Variants in SPADH observed in about 807,000 individuals in gnomAD.
SPADH encodes the protein CUB domain-containing protein.
At chr10:122,674,255 A>C in the SPADH span, among the ~76,000 whole-genome samples, 1 of 152,174 alleles carries the variant, frequency 6.6e-6, no homozygotes, top group Non-Finnish European at 1.5e-5. Context: ...AGTGAAGCAA[A>C]AGTTTCCATT....
chr10:122,676,541 T>C, the SPADH span, among the ~76,000 whole-genome samples: 1 of 152,230 alleles, frequency 6.6e-6, no homozygotes. Context: ...AAACAAATTG[T>C]ACTTTAAAAT....
At chr10:122,676,591 C>T in the SPADH span, among the ~76,000 whole-genome samples, 1 of 152,092 alleles carries the variant, frequency 6.6e-6, no homozygotes, top group Admixed American at 6.5e-5. Context: ...CCAAAAAGCC[C>T]ACCTTGTTTG....
chr10:122,679,487 TA>T, the SPADH span, among the ~76,000 whole-genome samples: 2 of 148,704 alleles, frequency 1.3e-5, no homozygotes, highest in African/African-American at 2.5e-5. Flanking sequence ...AAAATATATA[TA>T]AACAAGAAAT....
chr10:122,672,914 G>A, the SPADH span: 44 of 985,474 alleles, frequency 4.5e-5, no homozygotes, highest in African/African-American at 7.0e-4. Context: ...CTTGGCCGCT[G>A]CTGTGCAGTA....
the SPADH span, among the ~76,000 whole-genome samples, chr10:122,676,433 T>C: frequency 1.3e-5 from 2 of 152,200 alleles, no homozygotes; most frequent in African/African-American, 2.4e-5. Context: ...AATGGAAAGA[T>C]AGTGTTTGTG....
chr10:122,676,979 C>CCTAT, the SPADH span: 41 of 888,800 alleles, frequency 4.6e-5, no homozygotes, highest in Non-Finnish European at 4.7e-5. Context: ...CACCTTCCAC[C>CCTAT]CTATCCATGA....
At chr10:122,674,687 ACAT>A in the SPADH span, among the ~76,000 whole-genome samples, 3 of 152,204 alleles carry the variant, frequency 2.0e-5, no homozygotes, top group Non-Finnish European at 4.4e-5. Flanking sequence ...TAGTAAAGAA[ACAT>A]CATCTAATTT....
At chr10:122,674,108 T>C in the SPADH span, among the ~76,000 whole-genome samples, 1 of 152,296 alleles carries the variant, frequency 6.6e-6, no homozygotes, top group Middle Eastern at 3.4e-3. Context: ...CAAAGACAAC[T>C]TGATGAAAAA....
the SPADH span, among the ~76,000 whole-genome samples, chr10:122,679,279 G>A: frequency 6.6e-6 from 1 of 152,106 alleles, no homozygotes; most frequent in African/African-American, 2.4e-5. Flanking sequence ...AGTGTTAGAA[G>A]ATCATATGTG....
At chr10:122,679,375 C>G in the SPADH span, among the ~76,000 whole-genome samples, 1 of 151,916 alleles carries the variant, frequency 6.6e-6, no homozygotes, top group Non-Finnish European at 1.5e-5. Context: ...ATTATATGCC[C>G]TGTAGCATTT....
chr10:122,677,356 T>G, the SPADH span, among the ~76,000 whole-genome samples: 6 of 152,246 alleles, frequency 3.9e-5, no homozygotes, highest in South Asian at 1.0e-3. Flanking sequence ...ACCACTTTCC[T>G]GACTCTCTGC....
the SPADH span, among the ~76,000 whole-genome samples, chr10:122,675,947 A>G: frequency 2.0e-5 from 3 of 152,174 alleles, no homozygotes; most frequent in Non-Finnish European, 2.9e-5. Flanking sequence ...TGGGCAGGGA[A>G]AGGAGCCACC....
the SPADH span, chr10:122,676,655 G>A: frequency 2.2e-6 from 2 of 897,848 alleles, no homozygotes; most frequent in Non-Finnish European, 2.7e-6. Context: ...AGGATGGGAA[G>A]TTGGGAGAAT....
the SPADH span, among the ~76,000 whole-genome samples, chr10:122,675,895 C>A: frequency 6.6e-6 from 1 of 151,930 alleles, no homozygotes; most frequent in African/African-American, 2.4e-5. Context: ...CACCTCCAAG[C>A]CCCCCCGAAG....
the SPADH span, among the ~76,000 whole-genome samples, chr10:122,678,546 C>T: frequency 0.023 from 3,446 of 152,162 alleles, 53 homozygotes; most frequent in Middle Eastern, 0.037. Flanking sequence ...GACTAAAATT[C>T]CTGGGTTGGA....
At chr10:122,674,595 C>T in the SPADH span, among the ~76,000 whole-genome samples, 1 of 152,208 alleles carries the variant, frequency 6.6e-6, no homozygotes, top group African/African-American at 2.4e-5. Flanking sequence ...TAGTCTCAGG[C>T]TCAGGAAGGA....
At chr10:122,676,509 T>A in the SPADH span, among the ~76,000 whole-genome samples, 1 of 152,196 alleles carries the variant, frequency 6.6e-6, no homozygotes, top group East Asian at 1.9e-4. Flanking sequence ...GGAGTTAAGT[T>A]CCTCTATTTC....
the SPADH span, among the ~76,000 whole-genome samples, chr10:122,674,817 G>T: frequency 6.6e-6 from 1 of 152,236 alleles, no homozygotes. Context: ...CTGTAAGGTA[G>T]TTAAAATCAA....
chr10:122,678,828 G>A, the SPADH span: 199 of 935,518 alleles, frequency 2.1e-4, no homozygotes, highest in Non-Finnish European at 2.5e-4. Flanking sequence ...GCTGATGGTT[G>A]CCTTTTCTTC....
Sources: allele counts gnomAD v4.1 joint callset (sites outside exome capture counted in the v4.1 genomes callset), GRCh38; gene constraint gnomAD v4.1.1; transcripts MANE v1.5; gene names NCBI Gene and HGNC (gene_info 2026-07-23, HGNC 2026-07-21).